CDC14B: variants seen among roughly 807,000 people sequenced by gnomAD.
CDC14B encodes the protein dual specificity protein phosphatase CDC14B.
Under a neutral mutation model 64.2 loss-of-function variants are expected in CDC14B, and 22 were observed. That is an observed-to-expected ratio of 0.34 (90% CI 0.24 to 0.49). CDC14B has a LOEUF of 0.49. Ranked by LOEUF, CDC14B falls within the 20% of genes least tolerant of loss-of-function variation. The pLI is 0.99. For synonymous variants in CDC14B, 191 were observed against 215.8 expected, an observed-to-expected ratio of 0.89 and a Z score of 1.01; for missense variants, 498 against 629.9, an observed-to-expected ratio of 0.79 and a Z score of 2.24.
At chr9:96,517,831 G>GTTTTTTTTTTTTTTTTT (rs893654975) in intron 12 of CDC14B, among the ~76,000 whole-genome samples, 13 of 143,800 alleles carry the variant, frequency 9.0e-5, no homozygotes, top group African/African-American at 3.3e-4. Flanking sequence ...ACCATGCCCA[G>GTTTTTTTTTTTTTTTTT]TTTTTTTTTT....
At position 96,539,097 on chromosome 9, in the gene CDC14B, T is replaced by A; in HGVS notation, c.608A>T (p.Asp203Val). Residue 203 changes from aspartate (D) to valine (V), a missense_variant, in exon 7 of 14, where the codon GAT becomes GTT. Coordinates refer to ENST00000375241, the MANE Select transcript of CDC14B (RefSeq NM_033331.4). ...GFLNFNSFNL[D>V]EYEHYEKAEN... ...ACTTACTTCATAGTGTTCATATTCA[T>A]CAAGGTTAAATGAGTTGAAATTAAG... is the stretch of plus-strand genomic sequence containing the variant. 6.2e-7 allele frequency: 1 copy of A among 1,609,428 alleles called. No individual in the cohort carries two copies. Among genetic ancestry groups the A allele is most frequent in the Non-Finnish European group, 8.5e-7 (1 of 1,175,910 alleles).
chr9:96,558,574 A>G (rs1033213995), intron 4 of CDC14B, among the ~76,000 whole-genome samples: 2 of 152,230 alleles, frequency 1.3e-5, no homozygotes, highest in African/African-American at 4.8e-5. Context: ...ATTTCTCAAG[A>G]GTGCAAATAT....
At chr9:96,543,251 C>G (rs560664613) in intron 5 of CDC14B, among the ~76,000 whole-genome samples, 1 of 151,120 alleles carries the variant, frequency 6.6e-6, no homozygotes, top group East Asian at 2.0e-4. Context: ...AGGAGAATGG[C>G]GTGAACCCGG....
At chr9:96,540,734 G>GC (rs1186500680) in intron 6 of CDC14B, among the ~76,000 whole-genome samples, 1 of 152,024 alleles carries the variant, frequency 6.6e-6, no homozygotes, top group African/African-American at 2.4e-5. Flanking sequence ...AGCCCACCTG[G>GC]CAGGGGCTGC....
In CDC14B at chr9:96,562,651, T is replaced by A. The variant is rs778532689; in HGVS notation, c.420+42A>T. On this transcript the variant is annotated intron_variant, in intron 4 of 13. Transcript: ENST00000375241. ...AACTGCAAATGTAAAGAACCACTGT[T>A]GTGTGCATTTTTATGAATACATTAG... 13 of 1,229,726 alleles carry A rather than the reference T, an allele frequency of 1.1e-5. No homozygotes were observed. In the Admixed American group the frequency reaches 2.2e-4, roughly 21 times the overall value. The allele number at this position is 1,229,726 out of a possible 1,614,324, so 76.2% of individuals were successfully genotyped here.
At chr9:96,523,810 C>A (rs1341261627) in intron 9 of CDC14B, 85 bp from the exon 10 acceptor site, 1 of 1,333,016 alleles carries the variant, frequency 7.5e-7, no homozygotes, top group Non-Finnish European at 1.0e-6. Flanking sequence ...TTTTAAAAGG[C>A]TTCTCATGAC....
At chr9:96,613,401 G>A (rs1467165002) in intron 1 of CDC14B, among the ~76,000 whole-genome samples, 8 of 152,140 alleles carry the variant, frequency 5.3e-5, no homozygotes. Context: ...GCACTGACTG[G>A]CAACTCCCTG....
At chr9:96,512,692 T>C (rs1181383604) in intron 12 of CDC14B, among the ~76,000 whole-genome samples, 3 of 152,210 alleles carry the variant, frequency 2.0e-5, no homozygotes, top group African/African-American at 2.4e-5. Flanking sequence ...AATTTGAATA[T>C]AGAATTTTGC....
Position 96,619,258 on chromosome 9 carries a change from G to T in CDC14B, c.121C>A (p.Arg41Ser). ...IRSSTQQDPR[R>S]RDPQDDVYLD... ...TACACGTCGTCCTGGGGGTCCCGGC[G>T]GCGCGGGTCTTGCTGCGTGGAGCTG... The change falls in exon 1 of 14, where the codon CGC becomes AGC. Residue 41 changes from arginine (R) to serine (S), a missense_variant. Coordinates refer to ENST00000375241, the MANE Select transcript of CDC14B (RefSeq NM_033331.4). The T allele has an allele frequency of 7.3e-7, 1 of 1,360,552 alleles. No homozygotes were observed. Among genetic ancestry groups the T allele is most frequent in the Non-Finnish European group, 9.5e-7 (1 of 1,051,058 alleles). The allele number at this position is 1,360,552 out of a possible 1,614,324, so 84.3% of individuals were successfully genotyped here.
At chr9:96,577,933 G>A (rs1588021303) in intron 1 of CDC14B, among the ~76,000 whole-genome samples, 1 of 152,106 alleles carries the variant, frequency 6.6e-6, no homozygotes, top group African/African-American at 2.4e-5. Flanking sequence ...GAGTGCCTGA[G>A]GCTACAGCCA....
intron 9 of CDC14B, among the ~76,000 whole-genome samples, chr9:96,528,110 T>C (rs1164210934): frequency 1.3e-5 from 2 of 152,378 alleles, no homozygotes; most frequent in East Asian, 3.9e-4. Flanking sequence ...TGTCAGAATT[T>C]TCTTCATTTC....
chr9:96,559,024 A>G (rs1001195633), intron 4 of CDC14B, among the ~76,000 whole-genome samples: 5 of 152,142 alleles, frequency 3.3e-5, no homozygotes, highest in African/African-American at 1.2e-4. Context: ...TGAGTACTCA[A>G]CTCACTCTTC....
chr9:96,606,190 G>A (rs886840106), intron 1 of CDC14B, among the ~76,000 whole-genome samples: 5 of 150,924 alleles, frequency 3.3e-5, no homozygotes, highest in Admixed American at 1.3e-4. Context: ...AAAAATAAGC[G>A]GGTGTGGTGA....
At position 96,509,673 on chromosome 9, in the gene CDC14B, C is replaced by T; in HGVS notation, c.1460G>A (p.Ser487Asn). The change falls in exon 13 of 14, where the codon AGT becomes AAT. Residue 487 changes from serine to asparagine, a missense_variant and splice_region_variant. Ser to Asn is a conservative substitution (Grantham distance 46, BLOSUM62 1). Coordinates refer to ENST00000375241, the MANE Select transcript of CDC14B (RefSeq NM_033331.4). ...RSASRKSSVK[S>N]LSISRTKTVL... ...CAGAAGAGTAGGATTCTTTTCTCAC[C>T]TTTTAACACTGCTTTTCCTTGAAGC... 1 of 1,577,944 alleles carries T rather than the reference C, an allele frequency of 6.3e-7. No individual in the cohort carries two copies. Among genetic ancestry groups the T allele is most frequent in the Non-Finnish European group, 8.7e-7 (1 of 1,147,460 alleles).
intron 1 of CDC14B, among the ~76,000 whole-genome samples, chr9:96,587,765 G>C (rs936447249): frequency 1.3e-5 from 2 of 152,136 alleles, no homozygotes; most frequent in Admixed American, 1.3e-4. Context: ...TGATGACAGG[G>C]TGATATATGA....
chr9:96,503,161 A>AT lies in CDC14B; in HGVS notation c.*591dup. 6.0e-6 allele frequency: 2 copies of AT among 330,934 alleles called. No homozygotes were observed. Among genetic ancestry groups the AT allele is most frequent in the Non-Finnish European group, 1.1e-5 (2 of 183,990 alleles). The allele number at this position is 330,934 out of a possible 1,614,324, so 20.5% of individuals were successfully genotyped here. A position where few individuals can be genotyped will look rare whatever the true frequency, so the allele number is the denominator to read the frequency against. ...CAACATGCAACAGTGTTTAAATGTG[A>AT]TTTTCACAGATTCTTGTTAATAAAG... On this transcript the variant is annotated 3_prime_UTR_variant, in exon 14 of 14. Transcript: ENST00000375241.
intron 5 of CDC14B, among the ~76,000 whole-genome samples, chr9:96,546,480 G>A (rs139296356): frequency 0.052 from 7,783 of 150,746 alleles, 682 homozygotes; most frequent in African/African-American, 0.18. Flanking sequence ...ACGGAGTTTC[G>A]CTCTTGTCGC....
chr9:96,588,035 C>CCTG (rs1432097667), intron 1 of CDC14B, among the ~76,000 whole-genome samples: 1 of 151,194 alleles, frequency 6.6e-6, no homozygotes, highest in East Asian at 1.9e-4. Flanking sequence ...AAAGGAAAAC[C>CCTG]AAAAAAACCC....
intron 9 of CDC14B, among the ~76,000 whole-genome samples, chr9:96,525,811 T>G (rs1294628494): frequency 6.6e-6 from 1 of 152,206 alleles, no homozygotes; most frequent in Non-Finnish European, 1.5e-5. Flanking sequence ...TAGATGAGAC[T>G]CTGAACTTGG....
Sources: allele counts gnomAD v4.1 joint callset (sites outside exome capture counted in the v4.1 genomes callset), GRCh38; gene constraint gnomAD v4.1.1; transcripts MANE v1.5; gene names NCBI Gene and HGNC (gene_info 2026-07-23, HGNC 2026-07-21).